The following TRDMT1 variants were observed in gnomAD, a reference collection of about 807,000 sequenced individuals.
The protein encoded by TRDMT1 is tRNA (cytosine(38)-C(5))-methyltransferase.
Under a neutral mutation model 51.2 loss-of-function variants are expected in TRDMT1, and 49 were observed. That is an observed-to-expected ratio of 0.96 (90% CI 0.76 to 1.21). TRDMT1 has a LOEUF of 1.21. TRDMT1 is among the 50% of genes most tolerant of loss of function. The pLI, the probability that TRDMT1 is intolerant of heterozygous loss-of-function variation, is 0.00. For missense variants in TRDMT1, 534 were observed against 462.3 expected (o/e 1.16, Z -1.42); for synonymous variants, 187 against 164.6 (o/e 1.14, Z -1.04).
intron 10 of TRDMT1, chr10:17,151,402 A>G (rs1490311347): frequency 1.0e-6 from 1 of 981,248 alleles, no homozygotes; most frequent in Non-Finnish European, 1.2e-6. Context: ...ACACACCACC[A>G]GTCACAGAAC....
Position 17,159,327 on chromosome 10 carries a change from G to A in TRDMT1, c.460-98C>T, listed in dbSNP as rs79725776. On this transcript the variant is annotated intron_variant, in intron 6 of 10. Transcript: ENST00000377799. ...AACAGCAACAACAAAAAACTCAAAC[G>A]AGCCTACATTTAGCTTCTACCACAG... The A allele has an allele frequency of 4.2e-4, 321 of 769,782 alleles. 3 individuals are homozygous for A. The East Asian group carries it at 8.2e-3, about 20-fold the overall frequency. The allele number at this position is 769,782 out of a possible 1,614,324, so 47.7% of individuals were successfully genotyped here. A position where few individuals can be genotyped will look rare whatever the true frequency, so the allele number is the denominator to read the frequency against.
chr10:17,149,953 G>A (rs1838471134), intron 10 of TRDMT1, among the ~76,000 whole-genome samples: 1 of 152,096 alleles, frequency 6.6e-6, no homozygotes, highest in Non-Finnish European at 1.5e-5. Flanking sequence ...ATTCATGTAT[G>A]TTTTTGTATA....
rs1446109436 is a variant in TRDMT1, at chr10:17,154,747, CACA to C, written c.888-16_888-14del. ...GTAGCTTCCATATCTGAAAAATCAA[CACA>C]ACAATTATGCAGCACCTGATGTATG... On this transcript the variant is annotated splice_polypyrimidine_tract_variant and intron_variant, in intron 8 of 10. Transcript: ENST00000377799. 13 of 1,598,702 alleles carry C rather than the reference CACA, an allele frequency of 8.1e-6. No homozygotes were observed. The highest frequency in any genetic ancestry group is 2.3e-5 in the East Asian group (1 of 43,826).
intron 9 of TRDMT1, 39 bp from the exon 10 acceptor site, chr10:17,153,675 G>A (rs41289317): frequency 0.016 from 24,265 of 1,527,622 alleles, 226 homozygotes; most frequent in Non-Finnish European, 0.018. Flanking sequence ...AAAGTAATGT[G>A]CAACTAGATT....
Position 17,140,036 on chromosome 10 carries a change from G to GTT in TRDMT1, c.*9003_*9004insAA. Among the ~76,000 whole-genome samples, 1 of 39,636 alleles carries GTT rather than the reference G, an allele frequency of 2.5e-5. No homozygotes were observed. Among genetic ancestry groups the GTT allele is most frequent in the South Asian group, 9.4e-4 (1 of 1,062 alleles). The allele number at this position is 39,636 out of a possible 152,430, so 26.0% of individuals were successfully genotyped here. Reference sequence around the variant, plus strand: ...ATATTCTTCCAGTAACATCTAGTGTGCTTTTTTTTTTTTTTTTTTTTTTTT... The same window carrying GTT: ...ATATTCTTCCAGTAACATCTAGTGTGTTCTTTTTTTTTTTTTTTTTTTTTTTT... On this transcript the variant is annotated 3_prime_UTR_variant, in exon 11 of 11. Transcript: ENST00000377799.
chr10:17,145,739 T>C lies in TRDMT1; in HGVS notation c.*3301A>G. The C allele has an allele frequency of 2.0e-6, 2 of 985,460 alleles. No individual in the cohort carries two copies. Among genetic ancestry groups the C allele is most frequent in the Non-Finnish European group, 2.4e-6 (2 of 829,936 alleles). The allele number at this position is 985,460 out of a possible 1,614,324, so 61.0% of individuals were successfully genotyped here. On this transcript the variant is annotated 3_prime_UTR_variant, in exon 11 of 11. Transcript: ENST00000377799. ...TTAGAAACCGCTTGTTTCTAAACTCTTAAGTTATCAAAGCAAAAGAGCAAC... is the reference window on the plus strand; with the variant it reads ...TTAGAAACCGCTTGTTTCTAAACTCCTAAGTTATCAAAGCAAAAGAGCAAC...
intron 5 of TRDMT1, 46 bp downstream of exon 5, chr10:17,161,437 G>C (rs1840342161): frequency 1.6e-6 from 2 of 1,289,438 alleles, no homozygotes; most frequent in Non-Finnish European, 2.1e-6. Flanking sequence ...CCTACTATAA[G>C]ATATACCAAG....
chr10:17,148,074 A>G lies in TRDMT1; in HGVS notation c.*966T>C. ...TTGTCACTTGCTTTTATCACAAACCATAGAATTTATGATGCAAGACTTAGT... is the reference window on the plus strand; with the variant it reads ...TTGTCACTTGCTTTTATCACAAACCGTAGAATTTATGATGCAAGACTTAGT... On this transcript the variant is annotated 3_prime_UTR_variant, in exon 11 of 11. Transcript: ENST00000377799. The G allele has an allele frequency of 1.0e-6, 1 of 985,332 alleles. No homozygotes were observed. The highest frequency in any genetic ancestry group is 4.7e-5 in the South Asian group (1 of 21,286). The allele number at this position is 985,332 out of a possible 1,614,324, so 61.0% of individuals were successfully genotyped here. A position where few individuals can be genotyped will look rare whatever the true frequency, so the allele number is the denominator to read the frequency against.
chr10:17,185,079 T>C (rs1374912690), intron 1 of TRDMT1, among the ~76,000 whole-genome samples: 2 of 152,170 alleles, frequency 1.3e-5, no homozygotes, highest in Non-Finnish European at 2.9e-5. Context: ...ACCCGCACCA[T>C]AGAATTTTCT....
chr10:17,188,754 C>T (rs950802220), intron 1 of TRDMT1, among the ~76,000 whole-genome samples: 4 of 152,156 alleles, frequency 2.6e-5, no homozygotes, highest in African/African-American at 4.8e-5. Flanking sequence ...TGAGAACTAG[C>T]CCTTTTTGAG....
intron 10 of TRDMT1, among the ~76,000 whole-genome samples, chr10:17,152,398 A>G (rs1048686655): frequency 1.3e-5 from 2 of 152,226 alleles, no homozygotes; most frequent in Admixed American, 6.5e-5. Flanking sequence ...TATGTACAAA[A>G]TGGTTGTGTT....
In TRDMT1 at chr10:17,174,574, G is replaced by C. The variant is rs750278802; in HGVS notation, c.151C>G (p.Gln51Glu). 6.2e-7 allele frequency: 1 copy of C among 1,612,922 alleles called. No individual in the cohort carries two copies. The highest frequency in any genetic ancestry group is 2.2e-5 in the East Asian group (1 of 44,862). ...EVYKYNFPHT[Q>E]LLAKTIEGIT... is the part of the protein sequence containing the mutation. ...ACTTCAATCGTCTTGGCAAGTAACTGTGTGTGAGGAAAATTATACTTGTAT... is the reference window on the plus strand; with the variant it reads ...ACTTCAATCGTCTTGGCAAGTAACTCTGTGTGAGGAAAATTATACTTGTAT... The change falls in exon 2 of 11, where the codon CAG becomes GAG. Residue 51 changes from glutamine (Q) to glutamate (E), a missense_variant. Physicochemically the swap from Gln to Glu is conservative, Grantham distance 29 (BLOSUM62 2). Coordinates refer to ENST00000377799, the MANE Select transcript of TRDMT1 (RefSeq NM_004412.7).
chr10:17,137,749 G>A lies in TRDMT1; in HGVS notation c.*11291C>T, dbSNP rs1416741915. 4.0e-5 allele frequency among the ~76,000 whole-genome samples: 6 copies of A among 151,374 alleles called. No individual in the cohort carries two copies. The highest frequency in any genetic ancestry group is 1.2e-4 in the African/African-American group (5 of 41,096). ...GAGGCGAGGCTGAGGCAGGAGAATC[G>A]CTTGAACCCAGGAGGTGGAGGTTGC... On this transcript the variant is annotated 3_prime_UTR_variant, in exon 11 of 11. Coordinates refer to ENST00000377799, the MANE Select transcript of TRDMT1 (RefSeq NM_004412.7).
rs778202383 is a variant in TRDMT1, at chr10:17,162,253, AAAAAAAAAAC to A, written c.252-26_252-17del. The A allele has an allele frequency of 4.5e-6, 7 of 1,563,316 alleles. No homozygotes were observed. The highest frequency in any genetic ancestry group is 2.8e-5 in the African/African-American group (2 of 70,948). On this transcript the variant is annotated splice_polypyrimidine_tract_variant and intron_variant, in intron 3 of 10. Coordinates refer to ENST00000377799, the MANE Select transcript of TRDMT1 (RefSeq NM_004412.7). ...CCGGCCAATCCTAAAGGGGTAAAAA[AAAAAAAAAAC>A]AAAAAAAAACACAGAAAGTTTATTA...
Position 17,140,077 on chromosome 10 carries a change from G to A in TRDMT1, c.*8963C>T, listed in dbSNP as rs953991928. 1.1e-4 allele frequency among the ~76,000 whole-genome samples: 10 copies of A among 91,942 alleles called. No homozygotes were observed. Among genetic ancestry groups the A allele is most frequent in the African/African-American group, 4.7e-4 (10 of 21,220 alleles). The allele number at this position is 91,942 out of a possible 152,430, so 60.3% of individuals were successfully genotyped here. On this transcript the variant is annotated 3_prime_UTR_variant, in exon 11 of 11. Transcript: ENST00000377799. ...TTTTTTTTTTTTGAGACAGAGTCTT[G>A]CCCTGTCACCCAGGCTGGAATGATG...
chr10:17,160,374 T>C lies in TRDMT1; in HGVS notation c.390A>G (p.Arg130=). Residue 130 remains arginine (R), a splice_region_variant and synonymous_variant, in exon 6 of 11, where the codon AGA becomes AGG. Coordinates refer to ENST00000377799, the MANE Select transcript of TRDMT1 (RefSeq NM_004412.7). ...NVKGFEVSST[R]DLLIQTIENC... ...TTTCTATTGTTTGTATCAAGAGGTC[T>C]CTAAAAAGAAAAAAAAAAAACTTTA... 6.6e-7 allele frequency: 1 copy of C among 1,515,856 alleles called. No homozygotes were observed. The highest frequency in any genetic ancestry group is 2.0e-4 in the Middle Eastern group (1 of 4,894). The allele number at this position is 1,515,856 out of a possible 1,614,324, so 93.9% of individuals were successfully genotyped here. A position where few individuals can be genotyped will look rare whatever the true frequency, so the allele number is the denominator to read the frequency against.
At chr10:17,200,036 A>G (rs4748362) in intron 1 of TRDMT1, among the ~76,000 whole-genome samples, 3 of 152,028 alleles carry the variant, frequency 2.0e-5, no homozygotes, top group African/African-American at 7.2e-5. Context: ...CTGAAAAGCA[A>G]TTTGCTATCC....
At position 17,157,604 on chromosome 10, in the gene TRDMT1, T is replaced by C. The variant is rs770662062; in HGVS notation, c.724A>G (p.Asn242Asp). The C allele has an allele frequency of 2.1e-5, 34 of 1,613,886 alleles. No homozygotes were observed. The East Asian group carries it at 7.6e-4, about 36-fold the overall frequency. ...ACAGAGAGATCACTATCTTGTTGAT[T>C]TTTCCTGTGAATTTCTTCTGCAGTT... ...LETAEEIHRK[N>D]QQDSDLSVKM... is the part of the protein sequence containing the mutation. Residue 242 changes from asparagine to aspartate, a missense_variant, in exon 8 of 11, where the codon AAT becomes GAT. Physicochemically the swap from Asn to Asp is conservative, Grantham distance 23. Coordinates refer to ENST00000377799, the MANE Select transcript of TRDMT1 (RefSeq NM_004412.7).
At chr10:17,151,377 C>T in intron 10 of TRDMT1, 2 of 985,142 alleles carry the variant, frequency 2.0e-6, no homozygotes, top group African/African-American at 1.7e-5. Context: ...CTTCAAAAGC[C>T]CGCTACCGCA....
Sources: gnomAD v4.1 joint callset for allele counts (sites outside exome capture counted in the v4.1 genomes callset) on GRCh38, gnomAD v4.1.1 for gene constraint, MANE v1.5 for transcripts, NCBI Gene and HGNC (gene_info 2026-07-23, HGNC 2026-07-21) for gene names.